Variants in PDZK1 observed in about 807,000 individuals in gnomAD.
PDZK1 encodes PDZ domain containing 1.
PDZK1 carries 23 observed loss-of-function variants against 38.1 expected under a neutral mutation model. That is an observed-to-expected ratio of 0.60 (90% confidence interval 0.43 to 0.85). The LOEUF (loss-of-function observed/expected upper bound fraction) is 0.85, where lower values mean the gene tolerates loss of function less well. Ranked by LOEUF, PDZK1 falls within the 40% of genes least tolerant of loss-of-function variation. The pLI is 0.00. For missense variants in PDZK1, 297 were observed against 504.3 expected (o/e 0.59, Z 3.94); for synonymous variants, 98 against 186.2 (o/e 0.53, Z 3.86).
chr1:145,683,923 A>G (rs1553700990), intron 3 of PDZK1, among the ~76,000 whole-genome samples: 1 of 150,280 alleles, frequency 6.7e-6, no homozygotes, highest in Non-Finnish European at 1.5e-5. Context: ...CTTGGCTCAC[A>G]GCAACCTCTG....
At chr1:145,693,540 C>T (rs1246845413) in intron 1 of PDZK1, among the ~76,000 whole-genome samples, 2 of 149,276 alleles carry the variant, frequency 1.3e-5, no homozygotes, top group Non-Finnish European at 1.5e-5. Context: ...AGGCCGAGGC[C>T]GAGGCAGGCA....
rs587705580 is a variant in PDZK1, at chr1:145,686,595, C to T, written c.342G>A (p.Leu114=). ...TCACAGGGGAAAGTATATTATCACT[C>T]AAACCTTGCTCCTTCTGACTTTGAC... ...ELGQSQKEQG[L]SDNILSPVMN... The change falls in exon 3 of 9, where the codon TTG becomes TTA. Residue 114 remains leucine (L), a synonymous_variant. Transcript: ENST00000417171. 162 of 1,607,932 alleles carry T rather than the reference C, an allele frequency of 1.0e-4. No individual in the cohort carries two copies. The highest frequency in any genetic ancestry group is 1.3e-4 in the Non-Finnish European group (149 of 1,177,194).
At chr1:145,694,378 C>A (rs1655492652) in intron 1 of PDZK1, among the ~76,000 whole-genome samples, 1 of 152,192 alleles carries the variant, frequency 6.6e-6, no homozygotes, top group Non-Finnish European at 1.5e-5. Flanking sequence ...AGTTAGCATG[C>A]TGGGGCAGGT....
At chr1:145,684,360 C>G (rs1654559786) in intron 3 of PDZK1, among the ~76,000 whole-genome samples, 1 of 152,080 alleles carries the variant, frequency 6.6e-6, no homozygotes. Flanking sequence ...AGGCGCCCAC[C>G]ACCACACCCG....
At chr1:145,691,728 G>C (rs1261451648) in intron 1 of PDZK1, 1 of 152,140 alleles carries the variant, frequency 6.6e-6, no homozygotes, top group Non-Finnish European at 1.5e-5. Context: ...AGGATGGCTT[G>C]AACCTGGAGG....
chr1:145,682,922 G>A (rs1473166502), intron 3 of PDZK1, among the ~76,000 whole-genome samples: 11 of 151,506 alleles, frequency 7.3e-5, no homozygotes, highest in African/African-American at 2.7e-4. Flanking sequence ...GGTCTGGGGA[G>A]TAACACAGAG....
rs3889427 is a variant in PDZK1, at chr1:145,684,958, C to T, written c.460+1519G>A. On this transcript the variant is annotated intron_variant, in intron 3 of 8. Coordinates refer to ENST00000417171, the MANE Select transcript of PDZK1 (RefSeq NM_001201325.2). ...AAGCAAAATAAGGATTATTTGAACA[C>T]AGTACTTTAATACCGTGACAGTTGA... is the stretch of plus-strand genomic sequence containing the variant. Among the ~76,000 whole-genome samples the T allele has an allele frequency of 1.7e-3, 242 of 146,412 alleles. 3 individuals carry two copies. The highest frequency in any genetic ancestry group is 0.014 in the Admixed American group (205 of 14,520).
At chr1:145,683,141 TC>T (rs1318555486) in intron 3 of PDZK1, among the ~76,000 whole-genome samples, 1 of 152,228 alleles carries the variant, frequency 6.6e-6, no homozygotes, top group Non-Finnish European at 1.5e-5. Flanking sequence ...AAGACTTTTC[TC>T]CCAATAATGT....
rs1367251598 is a variant in PDZK1, at chr1:145,673,882, CT to C, written c.991-2del. Reference sequence around the variant, plus strand: ...AGTAGAGAAATGGAGAAAAATGAGCCTTTTGAAAAATAAAGGGAAAAAACAT... The same window carrying C: ...AGTAGAGAAATGGAGAAAAATGAGCCTTTGAAAAATAAAGGGAAAAAACAT... On this transcript the variant is annotated splice_acceptor_variant, in intron 6 of 8. Transcript: ENST00000417171. LOFTEE classifies it high-confidence loss of function. 2.5e-5 allele frequency: 38 copies of C among 1,519,720 alleles called. No individual in the cohort carries two copies. The African/African-American group carries it at 4.7e-4, about 19-fold the overall frequency. The allele number at this position is 1,519,720 out of a possible 1,614,324, so 94.1% of individuals were successfully genotyped here.
At chr1:145,702,669 G>A (rs879971659) in intron 1 of PDZK1, among the ~76,000 whole-genome samples, 4 of 152,146 alleles carry the variant, frequency 2.6e-5, no homozygotes, top group Non-Finnish European at 5.9e-5. Flanking sequence ...CAAGGCAGGC[G>A]GATCACGAGG....
chr1:145,698,626 T>A (rs1220327591), intron 1 of PDZK1, among the ~76,000 whole-genome samples: 1 of 152,128 alleles, frequency 6.6e-6, no homozygotes, highest in African/African-American at 2.4e-5. Flanking sequence ...GGGGCTAACA[T>A]ATTTTTAAAA....
Position 145,672,770 on chromosome 1 carries a change from A to G in PDZK1, c.1466T>C (p.Val489Ala), listed in dbSNP as rs200764681. 14 of 1,611,804 alleles carry G rather than the reference A, an allele frequency of 8.7e-6. No individual in the cohort carries two copies. The highest frequency in any genetic ancestry group is 1.2e-5 in the Non-Finnish European group (14 of 1,179,796). Residue 489 changes from valine to alanine, a missense_variant, in exon 8 of 9, where the codon GTG (valine) becomes GCG (alanine). By Grantham distance (64) the Val-to-Ala change is moderately conservative (BLOSUM62 0). This residue lies in a region of PDZK1 where 54 missense variants were observed against 72.1 expected (regional missense o/e 0.75). Coordinates refer to ENST00000417171, the MANE Select transcript of PDZK1 (RefSeq NM_001201325.2). ...GTGCGAGTCATGGTTTGACTCCACC[A>G]CTATTCCTTCTTTAGAATCTGGAGG... Reference protein sequence around the residue: ...DTPPDSKEGIVVESNHDSHMA... With the variant: ...DTPPDSKEGIAVESNHDSHMA...
intron 1 of PDZK1, among the ~76,000 whole-genome samples, chr1:145,706,852 C>A (rs587627637): frequency 2.0e-5 from 3 of 151,892 alleles, no homozygotes; most frequent in Non-Finnish European, 2.9e-5. Flanking sequence ...AGGAAAGATG[C>A]CTGCTTTTAT....
intron 1 of PDZK1, among the ~76,000 whole-genome samples, chr1:145,706,330 G>T (rs1553705732): frequency 1.3e-5 from 2 of 152,144 alleles, no homozygotes; most frequent in African/African-American, 4.8e-5. Context: ...AAAAGTCAAA[G>T]ATAAGCACAA....
chr1:145,681,336 G>T (rs1413498507), intron 4 of PDZK1, among the ~76,000 whole-genome samples: 1 of 145,758 alleles, frequency 6.9e-6, no homozygotes, highest in Admixed American at 6.7e-5. Flanking sequence ...AGGCTGGAGT[G>T]CAGTGGCACT....
At chr1:145,674,274 T>A in intron 6 of PDZK1, 1 of 985,280 alleles carries the variant, frequency 1.0e-6, no homozygotes, top group Non-Finnish European at 1.2e-6. Context: ...CGGTACCTCA[T>A]GCAGAGTACA....
chr1:145,684,241 C>T (rs1654542322), intron 3 of PDZK1, among the ~76,000 whole-genome samples: 1 of 130,940 alleles, frequency 7.6e-6, no homozygotes, highest in South Asian at 2.4e-4. Context: ...CGGAGTCTTG[C>T]TTTATCGCCC....
At position 145,687,344 on chromosome 1, in the gene PDZK1, C is replaced by T. The variant is rs374246985; in HGVS notation, c.210+468G>A. On this transcript the variant is annotated intron_variant, in intron 2 of 8. Transcript: ENST00000417171. ...ACCATCCTGGCTAACACGGTGAAACCCCATCTCTACTAAAAATACAAAAAA... is the reference window on the plus strand; with the variant it reads ...ACCATCCTGGCTAACACGGTGAAACTCCATCTCTACTAAAAATACAAAAAA... Among the ~76,000 whole-genome samples, 5 of 150,006 alleles carry T rather than the reference C, an allele frequency of 3.3e-5. No homozygotes were observed. In the South Asian group the frequency reaches 8.5e-4, roughly 26 times the overall value.
In PDZK1 at chr1:145,682,652, G is replaced by T; in HGVS notation, c.461-16C>A. On this transcript the variant is annotated splice_polypyrimidine_tract_variant and intron_variant, in intron 3 of 8. Transcript: ENST00000417171. ...CCCTTTTTACCTGGAAGAGAGTAGGGGTAAACTCCATGTGGAGACACAAGT... is the reference window on the plus strand; with the variant it reads ...CCCTTTTTACCTGGAAGAGAGTAGGTGTAAACTCCATGTGGAGACACAAGT... The T allele has an allele frequency of 6.2e-7, 1 of 1,611,820 alleles. No homozygotes were observed. The highest frequency in any genetic ancestry group is 8.5e-7 in the Non-Finnish European group (1 of 1,179,768).
Sources: allele counts gnomAD v4.1 joint callset (sites outside exome capture counted in the v4.1 genomes callset), GRCh38; gene constraint gnomAD v4.1.1; regional missense constraint gnomAD v4.1.1; transcripts MANE v1.5; gene names NCBI Gene and HGNC (gene_info 2026-07-23, HGNC 2026-07-21).